Variants in TPCN2 observed in about 807,000 individuals in gnomAD.
The protein encoded by TPCN2 is two pore channel protein 2.
A neutral mutation model predicts 111.4 loss-of-function variants in TPCN2; 92 were observed. That is an observed-to-expected ratio of 0.83 (90% CI 0.70 to 0.98). The LOEUF (loss-of-function observed/expected upper bound fraction) is 0.98, where lower values mean the gene tolerates loss of function less well. Ranked by LOEUF, TPCN2 falls within the 50% of genes least tolerant of loss-of-function variation. TPCN2 has a pLI of 0.00. For missense variants in TPCN2, 995 were observed against 980.1 expected, an observed-to-expected ratio of 1.02 and a Z score of -0.20; for synonymous variants, 405 against 414.5, an observed-to-expected ratio of 0.98 and a Z score of 0.28.
chr11:69,079,760 T>G, intron 16 of TPCN2, 74 bp from the exon 17 acceptor site: 1 of 1,412,670 alleles, frequency 7.1e-7, no homozygotes, highest in Non-Finnish European at 9.9e-7. Context: ...GAGATGAGCT[T>G]TATAATAATT....
At chr11:69,073,629 AG>A (rs1300626263) in intron 13 of TPCN2, among the ~76,000 whole-genome samples, 1 of 152,242 alleles carries the variant, frequency 6.6e-6, no homozygotes, top group Non-Finnish European at 1.5e-5. Flanking sequence ...GGGCGGGGGC[AG>A]GGCTGAAGCA....
Position 69,078,968 on chromosome 11 carries a change from A to G in TPCN2, c.1487A>G (p.Tyr496Cys), listed in dbSNP as rs529495371. Residue 496 changes from tyrosine to cysteine, a missense_variant, in exon 16 of 25, where the codon TAC (tyrosine) becomes TGC (cysteine). By Grantham distance (194) the Tyr-to-Cys change is radical (BLOSUM62 -2). Coordinates refer to ENST00000294309, the MANE Select transcript of TPCN2 (RefSeq NM_139075.4). ...LKVFALGLRG[Y>C]LSYPSNVFDG... The stretch of plus-strand genomic sequence containing the variant: ...GTCTTTGCCCTGGGCCTGCGAGGGT[A>G]CCTGTCCTACCCCAGCAACGTGTTT... 3.2e-5 allele frequency: 52 copies of G among 1,613,950 alleles called. No homozygotes were observed. Among genetic ancestry groups the G allele is most frequent in the Non-Finnish European group, 4.2e-5 (49 of 1,179,982 alleles).
chr11:69,087,301 T>A, intron 24 of TPCN2, 95 bp downstream of exon 24: 2 of 1,047,236 alleles, frequency 1.9e-6, no homozygotes, highest in Non-Finnish European at 2.9e-6. Context: ...CAGGCCCTGA[T>A]GACTGTCCTC....
rs374595038 is a variant in TPCN2 at position 69,085,204 on chromosome 11, C to T, written c.1762-6C>T. On this transcript the variant is annotated splice_region_variant and splice_polypyrimidine_tract_variant and intron_variant, in intron 19 of 24. Coordinates refer to ENST00000294309, the MANE Select transcript of TPCN2 (RefSeq NM_139075.4). Reference sequence around the variant, plus strand: ...GCTGATCAGTCCCCGGCTCCTGGCCCGCCAGGTGGTCTACTACGTATTTGC... The same window carrying T: ...GCTGATCAGTCCCCGGCTCCTGGCCTGCCAGGTGGTCTACTACGTATTTGC... 52 of 1,613,872 alleles carry T rather than the reference C, an allele frequency of 3.2e-5. No individual in the cohort carries two copies. The highest frequency in any genetic ancestry group is 2.0e-4 in the East Asian group (9 of 44,870).
At chr11:69,075,219 G>T (rs1249186475) in intron 13 of TPCN2, among the ~76,000 whole-genome samples, 2 of 152,152 alleles carry the variant, frequency 1.3e-5, no homozygotes, top group African/African-American at 4.8e-5. Flanking sequence ...CTGGTTTTCT[G>T]ACTCCTTCTT....
At chr11:69,064,871 CTGTG>C (rs1375371938) in intron 7 of TPCN2, among the ~76,000 whole-genome samples, 1 of 151,024 alleles carries the variant, frequency 6.6e-6, no homozygotes, top group Non-Finnish European at 1.5e-5. Flanking sequence ...GTGTTTATGT[CTGTG>C]TGCGTGTTTG....
Position 69,055,338 on chromosome 11 carries a change from G to C in TPCN2, c.415G>C (p.Asp139His). The C allele has an allele frequency of 1.5e-5, 24 of 1,609,892 alleles. No individual in the cohort carries two copies. The highest frequency in any genetic ancestry group is 2.0e-5 in the Non-Finnish European group (23 of 1,178,952). Residue 139 changes from aspartate (D) to histidine (H), a missense_variant, in exon 4 of 25, where the codon GAC becomes CAC. Asp to His is a moderately conservative substitution (Grantham distance 81). Transcript: ENST00000294309. Reference protein sequence around the residue: ...EVLCLLVFAADLSVKGYLFGW... With the variant: ...EVLCLLVFAAHLSVKGYLFGW... ...GCTCTGCCTGCTGGTCTTTGCGGCCGACCTCTCTGTGAAGGTGAGGCGGGC... is the reference window on the plus strand; with the variant it reads ...GCTCTGCCTGCTGGTCTTTGCGGCCCACCTCTCTGTGAAGGTGAGGCGGGC...
chr11:69,057,584 C>A lies in TPCN2; in HGVS notation c.436C>A (p.Leu146Met). 1 of 1,614,168 alleles carries A rather than the reference C, an allele frequency of 6.2e-7. No individual in the cohort carries two copies. The highest frequency in any genetic ancestry group is 8.5e-7 in the Non-Finnish European group (1 of 1,179,992). Residue 146 changes from leucine to methionine, a missense_variant, in exon 5 of 25, where the codon CTG becomes ATG. Coordinates refer to ENST00000294309, the MANE Select transcript of TPCN2 (RefSeq NM_139075.4). Reference sequence around the variant, plus strand: ...CCGCCCGTCTATCTTGCAGGGTTACCTGTTCGGGTGGGCCCATTTCCAGAA... The same window carrying A: ...CCGCCCGTCTATCTTGCAGGGTTACATGTTCGGGTGGGCCCATTTCCAGAA... ...FAADLSVKGY[L>M]FGWAHFQKNL...
chr11:69,051,647 C>T (rs142361587), intron 1 of TPCN2, among the ~76,000 whole-genome samples: 67 of 152,350 alleles, frequency 4.4e-4, no homozygotes, highest in South Asian at 1.7e-3. Flanking sequence ...CCCCTGCTGT[C>T]CTCTGTGCCT....
At chr11:69,084,156 C>A (rs940933514) in intron 19 of TPCN2, 140 bp downstream of exon 19, 2 of 849,928 alleles carry the variant, frequency 2.4e-6, no homozygotes, top group Non-Finnish European at 3.8e-6. Context: ...GTTCCTGAGG[C>A]CAGGGAAGTA....
intron 6 of TPCN2, 52 bp downstream of exon 6, chr11:69,063,042 C>T (rs1855092543): frequency 1.3e-6 from 2 of 1,540,444 alleles, no homozygotes; most frequent in Non-Finnish European, 9.0e-7. Context: ...CTCTCTCTGC[C>T]CCGGGCCACG....
intron 19 of TPCN2, chr11:69,084,580 C>T (rs925619557): frequency 1.0e-6 from 1 of 985,256 alleles, no homozygotes; most frequent in African/African-American, 1.7e-5. Context: ...CCAGGCAGGC[C>T]CCAGATCCGC....
chr11:69,086,969 TG>T, intron 23 of TPCN2, 142 bp from the exon 24 acceptor site: 1 of 671,826 alleles, frequency 1.5e-6, no homozygotes, highest in Non-Finnish European at 2.5e-6. Context: ...AGCAGCCTCG[TG>T]GGGCCTGTGC....
rs1856156369 is a variant in TPCN2 at position 69,083,963 on chromosome 11, A to G, written c.1708A>G (p.Ser570Gly). 6.2e-7 allele frequency: 1 copy of G among 1,614,126 alleles called. No individual in the cohort carries two copies. The highest frequency in any genetic ancestry group is 1.3e-5 in the African/African-American group (1 of 75,020). The change falls in exon 19 of 25, where the codon AGT becomes GGT. Residue 570 changes from serine to glycine, a missense_variant. By Grantham distance (56) the Ser-to-Gly change is moderately conservative. Transcript: ENST00000294309. ...PSMKLMAVVASTVLGLVQNMR... is the reference protein window; with the variant it reads ...PSMKLMAVVAGTVLGLVQNMR... ...TCCTCAGCTGATGGCCGTGGTGGCC[A>G]GTACCGTCCTGGGCCTGGTGCAGAA...
At chr11:69,072,784 C>T in intron 12 of TPCN2, 76 bp downstream of exon 12, 1 of 1,576,416 alleles carries the variant, frequency 6.3e-7, no homozygotes, top group South Asian at 1.1e-5. Context: ...CTTTTCAGGA[C>T]TAGGGGTGTG....
At chr11:69,087,010 C>T (rs1395012924) in intron 23 of TPCN2, 102 bp from the exon 24 acceptor site, 1 of 963,960 alleles carries the variant, frequency 1.0e-6, no homozygotes, top group Non-Finnish European at 1.6e-6. Flanking sequence ...GGCTCAGCCC[C>T]CTCAGCGGGT....
In TPCN2 at chr11:69,067,569, C is replaced by G; in HGVS notation, c.793C>G (p.Leu265Val). 6.2e-7 allele frequency: 1 copy of G among 1,614,056 alleles called. No individual in the cohort carries two copies. Among genetic ancestry groups the G allele is most frequent in the Non-Finnish European group, 8.5e-7 (1 of 1,180,014 alleles). The change falls in exon 8 of 25, where the codon CTC (leucine) becomes GTC (valine). Residue 265 changes from leucine to valine, a missense_variant. Physicochemically the swap from Leu to Val is conservative, Grantham distance 32. Coordinates refer to ENST00000294309, the MANE Select transcript of TPCN2 (RefSeq NM_139075.4). The part of the protein sequence containing the change: ...FQNLPESLTS[L>V]LVLLTTANNP... ...GAACCTGCCTGAGTCTCTGACTTCC[C>G]TCCTGGTGCTGCTGACCACGGCCAA...
intron 1 of TPCN2, among the ~76,000 whole-genome samples, chr11:69,052,934 C>T (rs1202790289): frequency 1.3e-5 from 2 of 152,254 alleles, no homozygotes; most frequent in African/African-American, 4.8e-5. Context: ...CCTCTCCGGG[C>T]TCCTCAGTTG....
At position 69,088,075 on chromosome 11, in the gene TPCN2, G is replaced by A; in HGVS notation, c.*122G>A. 1 of 804,836 alleles carries A rather than the reference G, an allele frequency of 1.2e-6. No homozygotes were observed. Among genetic ancestry groups the A allele is most frequent in the Non-Finnish European group, 1.9e-6 (1 of 517,554 alleles). 49.9% of individuals were successfully genotyped at this position (804,836 alleles called of 1,614,324 possible). ...GCAGGAAGAGACCTTTCCTCTGACG[G>A]ACCACTAAGCTGGGGACAGGAACCA... On this transcript the variant is annotated 3_prime_UTR_variant, in exon 25 of 25. Coordinates refer to ENST00000294309, the MANE Select transcript of TPCN2 (RefSeq NM_139075.4).
Sources: gnomAD v4.1 joint callset for allele counts (sites outside exome capture counted in the v4.1 genomes callset) on GRCh38, gnomAD v4.1.1 for gene constraint, MANE v1.5 for transcripts, NCBI Gene and HGNC (gene_info 2026-07-23, HGNC 2026-07-21) for gene names.